Variants in STXBP6 observed in about 807,000 individuals in gnomAD.
STXBP6 encodes the protein syntaxin binding protein 6, also known as syntaxin-binding protein 6.
Under a neutral mutation model 26.9 loss-of-function variants are expected in STXBP6, and 21 were observed. That is an observed-to-expected ratio of 0.78 (90% CI 0.55 to 1.12). STXBP6 has a LOEUF of 1.12. Among genes scored for constraint, STXBP6 ranks in the 50% most tolerant of loss-of-function variants. STXBP6 has a pLI of 0.00. For synonymous variants in STXBP6, 97 were observed against 92.6 expected, an observed-to-expected ratio of 1.05 and a Z score of -0.27; for missense variants, 232 against 257.9, an observed-to-expected ratio of 0.90 and a Z score of 0.69.
chr14:24,957,569 G>A (rs907241410), intron 2 of STXBP6, among the ~76,000 whole-genome samples: 2 of 152,182 alleles, frequency 1.3e-5, no homozygotes, highest in East Asian at 1.9e-4. Context: ...GTAGAAGAAT[G>A]CTTTCAAATG....
At chr14:25,047,412 C>G (rs1256334432) in intron 1 of STXBP6, among the ~76,000 whole-genome samples, 1 of 152,198 alleles carries the variant, frequency 6.6e-6, no homozygotes. Flanking sequence ...CAACACACCC[C>G]CAAAGAAACC....
At chr14:25,022,018 C>T (rs2075271595) in intron 1 of STXBP6, among the ~76,000 whole-genome samples, 1 of 152,184 alleles carries the variant, frequency 6.6e-6, no homozygotes, top group Non-Finnish European at 1.5e-5. Context: ...AGTTACTCAG[C>T]TCAAGACAAA....
chr14:25,028,340 A>G (rs1414929992), intron 1 of STXBP6, among the ~76,000 whole-genome samples: 1 of 152,136 alleles, frequency 6.6e-6, no homozygotes, highest in Non-Finnish European at 1.5e-5. Flanking sequence ...TTTAAGTTGA[A>G]TCCAATGCTT....
chr14:24,982,182 C>T (rs1190138872), intron 1 of STXBP6, among the ~76,000 whole-genome samples: 1 of 152,116 alleles, frequency 6.6e-6, no homozygotes, highest in Non-Finnish European at 1.5e-5. Context: ...CCTGGAAGAC[C>T]TATCAAAATA....
intron 2 of STXBP6, among the ~76,000 whole-genome samples, chr14:24,918,258 T>A (rs1275795043): frequency 3.3e-5 from 5 of 151,872 alleles, no homozygotes; most frequent in African/African-American, 1.2e-4. Flanking sequence ...TGGGTAAACT[T>A]CAGGGTTATG....
intron 2 of STXBP6, among the ~76,000 whole-genome samples, chr14:24,895,679 T>TATA (rs1162984602): frequency 6.6e-6 from 1 of 152,170 alleles, no homozygotes; most frequent in Non-Finnish European, 1.5e-5. Context: ...GGGCTTCCAT[T>TATA]ATAATAGTAA....
At chr14:24,932,558 C>G (rs1412246239) in intron 2 of STXBP6, among the ~76,000 whole-genome samples, 1 of 151,832 alleles carries the variant, frequency 6.6e-6, no homozygotes, top group Non-Finnish European at 1.5e-5. Flanking sequence ...TATTCTTTGG[C>G]TTGCTGTCTA....
intron 1 of STXBP6, among the ~76,000 whole-genome samples, chr14:24,999,233 A>G (rs1337428759): frequency 6.6e-6 from 1 of 152,150 alleles, no homozygotes; most frequent in African/African-American, 2.4e-5. Context: ...AACCACCCTT[A>G]GGCGTATCTT....
At chr14:24,832,362 T>C (rs1303217594) in intron 4 of STXBP6, among the ~76,000 whole-genome samples, 1 of 152,218 alleles carries the variant, frequency 6.6e-6, no homozygotes, top group Non-Finnish European at 1.5e-5. Flanking sequence ...TTGTTTTAAT[T>C]TGGTGAATGT....
chr14:24,906,800 T>C (rs2071400229), intron 2 of STXBP6, among the ~76,000 whole-genome samples: 1 of 152,144 alleles, frequency 6.6e-6, no homozygotes, highest in East Asian at 1.9e-4. Context: ...AAATATCAGG[T>C]CAAGGAGATG....
At position 24,998,729 on chromosome 14, in the gene STXBP6, G is replaced by C. The variant is rs377001167; in HGVS notation, c.-32-23879C>G. On this transcript the variant is annotated intron_variant, in intron 1 of 5. Transcript: ENST00000323944. ...AGATGTAAGTGTTACTACGATCCAG[G>C]CCCTAACCTAGAGGAAGTTGCCTTT... Among the ~76,000 whole-genome samples the C allele has an allele frequency of 3.2e-4, 48 of 152,288 alleles. 1 individual carries two copies. Among genetic ancestry groups the C allele is most frequent in the African/African-American group, 1.1e-3 (47 of 41,570 alleles).
chr14:24,973,697 T>C (rs1595226133), intron 2 of STXBP6, among the ~76,000 whole-genome samples: 1 of 152,118 alleles, frequency 6.6e-6, no homozygotes, highest in East Asian at 1.9e-4. Flanking sequence ...CTTTGAAAAA[T>C]AATTCTTACC....
intron 2 of STXBP6, among the ~76,000 whole-genome samples, chr14:24,876,195 G>C (rs75146252): frequency 0.013 from 2,042 of 152,224 alleles, 65 homozygotes; most frequent in East Asian, 0.1. Flanking sequence ...TAACCGGGAA[G>C]GCCTGCCTTA....
intron 2 of STXBP6, among the ~76,000 whole-genome samples, chr14:24,902,918 G>T (rs2071263252): frequency 6.6e-6 from 1 of 152,034 alleles, no homozygotes; most frequent in African/African-American, 2.4e-5. Context: ...TACAACAGGT[G>T]ATCCATAGAA....
At chr14:24,836,371 C>G (rs854394) in intron 4 of STXBP6, among the ~76,000 whole-genome samples, 1 of 151,780 alleles carries the variant, frequency 6.6e-6, no homozygotes, top group African/African-American at 2.4e-5. Flanking sequence ...TCGAGGCGAG[C>G]GGACCACCTG....
chr14:24,925,201 A>G (rs2072117547), intron 2 of STXBP6, among the ~76,000 whole-genome samples: 1 of 152,182 alleles, frequency 6.6e-6, no homozygotes, highest in African/African-American at 2.4e-5. Flanking sequence ...TTACTTATTC[A>G]CAAAATGTAG....
At chr14:24,826,157 A>G (rs565953520) in intron 4 of STXBP6, among the ~76,000 whole-genome samples, 3 of 152,288 alleles carry the variant, frequency 2.0e-5, no homozygotes, top group African/African-American at 7.2e-5. Flanking sequence ...CCTTACATAT[A>G]CAAATTGAAA....
At chr14:25,034,228 C>T (rs922460209) in intron 1 of STXBP6, among the ~76,000 whole-genome samples, 1 of 152,100 alleles carries the variant, frequency 6.6e-6, no homozygotes, top group Admixed American at 6.5e-5. Context: ...AAGAGTTGTT[C>T]CAGGTAAACT....
At chr14:24,870,770 C>T (rs1429075802) in intron 2 of STXBP6, among the ~76,000 whole-genome samples, 2 of 152,278 alleles carry the variant, frequency 1.3e-5, no homozygotes, top group Admixed American at 1.3e-4. Flanking sequence ...AGACTCCCTA[C>T]CCCATCACCA....
Sources: gnomAD v4.1 joint callset for allele counts (sites outside exome capture counted in the v4.1 genomes callset) on GRCh38, gnomAD v4.1.1 for gene constraint, MANE v1.5 for transcripts, NCBI Gene and HGNC (gene_info 2026-07-23, HGNC 2026-07-21) for gene names.